The following RPS6KC1 variants were observed in gnomAD, a reference collection of about 807,000 sequenced individuals.
The protein encoded by RPS6KC1 is inactive ribosomal protein S6 kinase delta-1.
A neutral mutation model predicts 103.8 loss-of-function variants in RPS6KC1; 54 were observed. That is an observed-to-expected ratio of 0.52 (90% CI 0.42 to 0.65). The LOEUF is 0.65. Among genes scored for constraint, RPS6KC1 ranks in the 30% least tolerant of loss-of-function variants. The pLI is 0.00. For synonymous variants in RPS6KC1, 439 were observed against 438.7 expected, an observed-to-expected ratio of 1.00 and a Z score of -0.01; for missense variants, 1,151 against 1,253.8, an observed-to-expected ratio of 0.92 and a Z score of 1.24.
intron 8 of RPS6KC1, among the ~76,000 whole-genome samples, chr1:213,194,862 C>T (rs895081852): frequency 1.3e-5 from 2 of 152,206 alleles, no homozygotes; most frequent in Non-Finnish European, 1.5e-5. Context: ...ATTACCCCCA[C>T]TAGTCTGTGG....
intron 5 of RPS6KC1, among the ~76,000 whole-genome samples, chr1:213,117,701 G>A (rs1397930228): frequency 6.6e-6 from 1 of 151,634 alleles, no homozygotes; most frequent in East Asian, 1.9e-4. Context: ...ATAATGAGTA[G>A]TTCAGAATTT....
the RPS6KC1 span, among the ~76,000 whole-genome samples, chr1:213,733,546 T>TAG: frequency 7.0e-6 from 1 of 142,042 alleles, no homozygotes; most frequent in African/African-American, 2.7e-5. Context: ...TATTTTTAGT[T>TAG]TGTTTTTTTT....
At chr1:213,608,022 G>A in the RPS6KC1 span, among the ~76,000 whole-genome samples, 26 of 152,198 alleles carry the variant, frequency 1.7e-4, no homozygotes, top group Non-Finnish European at 3.5e-4. Context: ...TTCCCCAAAT[G>A]TCTTCCGGAT....
chr1:213,420,055 A>C, the RPS6KC1 span, among the ~76,000 whole-genome samples: 1 of 152,232 alleles, frequency 6.6e-6, no homozygotes, highest in African/African-American at 2.4e-5. Flanking sequence ...TCAGGGAGGG[A>C]GCCTGAGTGC....
intron 7 of RPS6KC1, among the ~76,000 whole-genome samples, chr1:213,168,540 CTT>C (rs537696040): frequency 2.8e-5 from 4 of 142,140 alleles, no homozygotes; most frequent in Non-Finnish European, 4.4e-5. Flanking sequence ...CTGGAGGAAA[CTT>C]TTCTGTTATT....
chr1:213,756,437 C>T, the RPS6KC1 span, among the ~76,000 whole-genome samples: 1 of 152,270 alleles, frequency 6.6e-6, no homozygotes, highest in South Asian at 2.1e-4. Context: ...TATTGTGCTT[C>T]ATGCTGTTGC....
the RPS6KC1 span, among the ~76,000 whole-genome samples, chr1:213,839,355 G>T: frequency 1.3e-5 from 2 of 152,106 alleles, no homozygotes; most frequent in African/African-American, 4.8e-5. Context: ...CCTGGCCCTG[G>T]GGCAAGGCTA....
chr1:213,830,684 A>T, the RPS6KC1 span, among the ~76,000 whole-genome samples: 1 of 152,176 alleles, frequency 6.6e-6, no homozygotes, highest in African/African-American at 2.4e-5. Context: ...AAAAAAAAAA[A>T]AAAAAAACTC....
the RPS6KC1 span, among the ~76,000 whole-genome samples, chr1:213,467,214 T>C: frequency 2.6e-5 from 4 of 152,292 alleles, no homozygotes; most frequent in African/African-American, 9.6e-5. Context: ...CAATATAAAT[T>C]ATACCAACTG....
chr1:213,307,124 G>A, the RPS6KC1 span, among the ~76,000 whole-genome samples: 3,172 of 147,472 alleles, frequency 0.022, 209 homozygotes, highest in East Asian at 0.15. Context: ...GTGCAGTGGC[G>A]CGATCTTGGC....
At chr1:213,233,510 A>G (rs985406175) in intron 10 of RPS6KC1, among the ~76,000 whole-genome samples, 4 of 152,182 alleles carry the variant, frequency 2.6e-5, no homozygotes, top group South Asian at 2.1e-4. Context: ...TCAATATTCT[A>G]TTACCCAGTG....
At chr1:213,082,181 G>A (rs2079957237) in intron 3 of RPS6KC1, among the ~76,000 whole-genome samples, 1 of 152,040 alleles carries the variant, frequency 6.6e-6, no homozygotes, top group Non-Finnish European at 1.5e-5. Context: ...AGCACTTTGG[G>A]AGGCGTAGTC....
the RPS6KC1 span, among the ~76,000 whole-genome samples, chr1:213,641,363 CA>C: frequency 6.6e-6 from 1 of 151,988 alleles, no homozygotes; most frequent in African/African-American, 2.4e-5. Context: ...AGTTATGAGA[CA>C]CTGAGCTTTG....
the RPS6KC1 span, among the ~76,000 whole-genome samples, chr1:213,456,308 A>T: frequency 6.6e-6 from 1 of 152,130 alleles, no homozygotes; most frequent in Admixed American, 6.5e-5. Context: ...ATATATTCAT[A>T]TATACTTTAA....
the RPS6KC1 span, among the ~76,000 whole-genome samples, chr1:213,660,272 A>G: frequency 6.6e-6 from 1 of 152,342 alleles, no homozygotes; most frequent in South Asian, 2.1e-4. Context: ...AATGTAGGCC[A>G]GTATCTCTAG....
At chr1:213,283,748 A>T in the RPS6KC1 span, among the ~76,000 whole-genome samples, 2 of 152,230 alleles carry the variant, frequency 1.3e-5, no homozygotes, top group Admixed American at 1.3e-4. Flanking sequence ...TTAAAAGGGA[A>T]TAGTCTAGGG....
At chr1:213,644,323 C>A in the RPS6KC1 span, among the ~76,000 whole-genome samples, 3 of 152,064 alleles carry the variant, frequency 2.0e-5, no homozygotes, top group African/African-American at 7.2e-5. Flanking sequence ...CAACATCCCC[C>A]ACCAGAGAGG....
At chr1:213,224,501 A>G (rs1573426103) in intron 8 of RPS6KC1, among the ~76,000 whole-genome samples, 1 of 152,238 alleles carries the variant, frequency 6.6e-6, no homozygotes, top group Non-Finnish European at 1.5e-5. Context: ...GGAGAAATAC[A>G]TTAATTGTAT....
the RPS6KC1 span, among the ~76,000 whole-genome samples, chr1:213,434,486 C>T: frequency 6.6e-5 from 10 of 151,986 alleles, no homozygotes; most frequent in South Asian, 2.1e-4. Context: ...GACAGAGTGT[C>T]GCTCTGTCAC....
Sources: gnomAD v4.1 joint callset for allele counts (sites outside exome capture counted in the v4.1 genomes callset) on GRCh38, gnomAD v4.1.1 for gene constraint, MANE v1.5 for transcripts, NCBI Gene and HGNC (gene_info 2026-07-23, HGNC 2026-07-21) for gene names.